The following DYM variants were observed in gnomAD, a reference collection of about 807,000 sequenced individuals.
DYM encodes dymeclin, also known as dyggve-Melchior-Clausen syndrome protein.
DYM carries 78 observed loss-of-function variants against 93.1 expected under a neutral mutation model. That is an observed-to-expected ratio of 0.84 (90% CI 0.70 to 1.01). The LOEUF is 1.01. DYM is among the 50% of genes least tolerant of loss of function. The pLI, the probability that DYM is intolerant of heterozygous loss-of-function variation, is 0.00. For synonymous variants in DYM, 321 were observed against 319.7 expected, an observed-to-expected ratio of 1.00 and a Z score of -0.04; for missense variants, 789 against 845.0, an observed-to-expected ratio of 0.93 and a Z score of 0.82.
rs200169598 is a variant in DYM at position 49,379,676 on chromosome 18, T to C, written c.276A>G (p.Ala92=). The change falls in exon 4 of 18, where the codon GCA becomes GCG. Residue 92 remains alanine, a synonymous_variant. Transcript: ENST00000675505. ...ATTAGCCAGCTTACTTCTGACATTC[T>C]GCTGAAAGTTTTAGTTCTTTGGTTC... ...LSRTKELKLS[A]ECQNHIFIWQ... is the part of the protein sequence containing the mutation. 220 of 1,611,600 alleles carry C rather than the reference T, an allele frequency of 1.4e-4. 1 individual carries two copies. The Middle Eastern group carries it at 1.8e-3, about 13-fold the overall frequency.
intron 2 of DYM, among the ~76,000 whole-genome samples, chr18:49,404,656 T>G (rs1293975227): frequency 6.6e-6 from 1 of 152,174 alleles, no homozygotes; most frequent in Non-Finnish European, 1.5e-5. Flanking sequence ...TGATTTGCGT[T>G]TCTCTAATGA....
intron 13 of DYM, among the ~76,000 whole-genome samples, chr18:49,235,083 C>A (rs559913541): frequency 6.6e-6 from 1 of 152,300 alleles, no homozygotes; most frequent in Admixed American, 6.5e-5. Context: ...TTGATTTCAA[C>A]CTTGTGAAAC....
chr18:49,164,264 A>G (rs1321078723), intron 14 of DYM, among the ~76,000 whole-genome samples: 1 of 152,208 alleles, frequency 6.6e-6, no homozygotes, highest in Non-Finnish European at 1.5e-5. Flanking sequence ...AAAATGTTTT[A>G]TAAGATTTCT....
intron 13 of DYM, among the ~76,000 whole-genome samples, chr18:49,245,267 A>G (rs2094137679): frequency 6.6e-6 from 1 of 152,258 alleles, no homozygotes. Context: ...GTATGAAATC[A>G]GTGCACCCTG....
chr18:49,206,114 T>C, intron 14 of DYM: 1 of 221,220 alleles, frequency 4.5e-6, no homozygotes. Flanking sequence ...TTCTCCTGCC[T>C]CAGACTCCTG....
chr18:49,312,293 C>T (rs2061646670), intron 8 of DYM, among the ~76,000 whole-genome samples: 1 of 152,178 alleles, frequency 6.6e-6, no homozygotes. Flanking sequence ...CAAGTTAAAT[C>T]CTCAGACCGG....
At chr18:49,428,965 GTTCT>G (rs2074560551) in intron 2 of DYM, among the ~76,000 whole-genome samples, 1 of 152,022 alleles carries the variant, frequency 6.6e-6, no homozygotes, top group Admixed American at 6.6e-5. Flanking sequence ...TTATCTTACA[GTTCT>G]GTAGGTCAGA....
At chr18:49,155,996 T>C (rs1791848542) in intron 15 of DYM, among the ~76,000 whole-genome samples, 1 of 152,230 alleles carries the variant, frequency 6.6e-6, no homozygotes, top group South Asian at 2.1e-4. Context: ...CTGCACCATA[T>C]AACATTCCCA....
chr18:49,330,275 G>A (rs2063215391), intron 8 of DYM, among the ~76,000 whole-genome samples: 1 of 151,886 alleles, frequency 6.6e-6, no homozygotes, highest in Non-Finnish European at 1.5e-5. Flanking sequence ...GCACTTAACT[G>A]AATATTAAAT....
At chr18:49,295,482 T>A (rs2060469291) in intron 8 of DYM, among the ~76,000 whole-genome samples, 1 of 152,174 alleles carries the variant, frequency 6.6e-6, no homozygotes, top group African/African-American at 2.4e-5. Flanking sequence ...CACATCCTTA[T>A]CCTTGCCATT....
intron 17 of DYM, among the ~76,000 whole-genome samples, chr18:49,083,996 C>T (rs2078276869): frequency 6.6e-6 from 1 of 151,978 alleles, no homozygotes; most frequent in South Asian, 2.1e-4. Context: ...GATTTGTGCT[C>T]TGATCTTTAT....
rs151074888 is a variant in DYM, at chr18:49,304,457, A to T, written c.764-17841T>A. Among the ~76,000 whole-genome samples the T allele has an allele frequency of 3.5e-4, 53 of 152,278 alleles. 2 individuals carry two copies. The highest frequency in any genetic ancestry group is 1.2e-3 in the African/African-American group (49 of 41,576). On this transcript the variant is annotated intron_variant, in intron 8 of 17. Transcript: ENST00000675505. ...CCAGCCCTTCCACTGAGCCTTCTGG[A>T]GCACACATTTTCATTAGGAAAAAAC... is the stretch of plus-strand genomic sequence containing the variant.
intron 10 of DYM, among the ~76,000 whole-genome samples, chr18:49,277,862 T>A (rs2094883106): frequency 6.6e-6 from 1 of 152,340 alleles, no homozygotes; most frequent in Non-Finnish European, 1.5e-5. Context: ...GACTAAGACA[T>A]AGGTATTTGG....
intron 8 of DYM, among the ~76,000 whole-genome samples, chr18:49,292,602 A>AAACAAAAC (rs1568188781): frequency 1.7e-3 from 103 of 59,152 alleles, no homozygotes; most frequent in African/African-American, 8.0e-3. Context: ...GAAAAAAAAA[A>AAACAAAAC]AAAAAAAAAA....
At chr18:49,278,670 T>C (rs2094903204) in intron 10 of DYM, among the ~76,000 whole-genome samples, 1 of 152,150 alleles carries the variant, frequency 6.6e-6, no homozygotes, top group South Asian at 2.1e-4. Flanking sequence ...TAGCTTATGA[T>C]ATGTTGAGAG....
At chr18:49,356,448 C>A (rs932286547) in intron 6 of DYM, among the ~76,000 whole-genome samples, 3 of 152,098 alleles carry the variant, frequency 2.0e-5, no homozygotes, top group Admixed American at 6.6e-5. Flanking sequence ...ATTCAGAAAG[C>A]TATACTGGAT....
chr18:49,169,487 C>T (rs1461841406), intron 14 of DYM, among the ~76,000 whole-genome samples: 2 of 152,198 alleles, frequency 1.3e-5, no homozygotes, highest in African/African-American at 2.4e-5. Context: ...TGCCTCATGT[C>T]TCTCTCAGAC....
chr18:49,149,315 C>G (rs2085540526), intron 15 of DYM, among the ~76,000 whole-genome samples: 1 of 152,056 alleles, frequency 6.6e-6, no homozygotes. Context: ...CATACTGGTC[C>G]ATGAGAACAC....
At chr18:49,052,029 AC>A (rs1420573117) in intron 17 of DYM, among the ~76,000 whole-genome samples, 1 of 152,248 alleles carries the variant, frequency 6.6e-6, no homozygotes, top group African/African-American at 2.4e-5. Context: ...GTAACTTTTC[AC>A]CAGCACCTAA....
Sources: gnomAD v4.1 joint callset for allele counts (sites outside exome capture counted in the v4.1 genomes callset) on GRCh38, gnomAD v4.1.1 for gene constraint, MANE v1.5 for transcripts, NCBI Gene and HGNC (gene_info 2026-07-23, HGNC 2026-07-21) for gene names.